The following SF3B1 variants were observed in gnomAD, a reference collection of about 807,000 sequenced individuals.
SF3B1 encodes pre-mRNA processing 10.
Under a neutral mutation model 153.8 loss-of-function variants are expected in SF3B1, and 12 were observed. That is an observed-to-expected ratio of 0.08 (90% confidence interval 0.05 to 0.13). The LOEUF is 0.13. SF3B1 is among the 10% of genes least tolerant of loss of function. SF3B1 has a pLI of 1.00. For missense variants in SF3B1, 513 were observed against 1,606.1 expected, an observed-to-expected ratio of 0.32 and a Z score of 11.63; for synonymous variants, 498 against 525.2, an observed-to-expected ratio of 0.95 and a Z score of 0.71.
At chr2:197,405,574 T>A (rs1259462245) in intron 9 of SF3B1, 102 bp from the exon 10 acceptor site, 33 of 783,068 alleles carry the variant, frequency 4.2e-5, no homozygotes, top group Non-Finnish European at 6.6e-5. Flanking sequence ...GCTAATAAGG[T>A]TTTTATTTGC....
At chr2:197,420,165 G>A (rs1574547758) in intron 4 of SF3B1, 1 of 383,014 alleles carries the variant, frequency 2.6e-6, no homozygotes, top group East Asian at 3.8e-5. Context: ...CAAAACAAAA[G>A]TAAAAGTAAA....
At position 197,391,775 on chromosome 2, in the gene SF3B1, G is replaced by A. The variant is rs1319872094; in HGVS notation, c.*528C>T. The A allele has an allele frequency of 6.5e-6, 1 of 154,162 alleles. No homozygotes were observed. The highest frequency in any genetic ancestry group is 6.5e-5 in the Admixed American group (1 of 15,334). 9.5% of individuals were successfully genotyped at this position (154,162 alleles called of 1,614,324 possible). A position where few individuals can be genotyped will look rare whatever the true frequency, so the allele number is the denominator to read the frequency against. On this transcript the variant is annotated 3_prime_UTR_variant, in exon 25 of 25. Transcript: ENST00000335508. ...CTAGTTTGAGGGGAACATCCCCTGA[G>A]GCTACTCTTCTTGCTGTCATTATTA...
intron 23 of SF3B1, 158 bp from the exon 24 acceptor site, chr2:197,393,346 C>T (rs1450241420): frequency 1.6e-6 from 1 of 622,106 alleles, no homozygotes; most frequent in East Asian, 2.7e-5. Context: ...AGTCATCTAA[C>T]ATTTCATATA....
intron 6 of SF3B1, among the ~76,000 whole-genome samples, chr2:197,414,572 A>T (rs1258995590): frequency 6.6e-6 from 1 of 152,242 alleles, no homozygotes; most frequent in East Asian, 1.9e-4. Flanking sequence ...TCATGTGAGA[A>T]ATGAAAATAC....
At chr2:197,416,521 A>C in intron 6 of SF3B1, 1 of 440,214 alleles carries the variant, frequency 2.3e-6, no homozygotes, top group Non-Finnish European at 4.0e-6. Context: ...GCACAGAGAA[A>C]GGCCATGTGA....
chr2:197,419,440 T>C (rs930490571), intron 4 of SF3B1: 23 of 220,048 alleles, frequency 1.0e-4, no homozygotes, highest in African/African-American at 5.2e-4. Flanking sequence ...GCTATACAAG[T>C]AGTATAGCAT....
In SF3B1 at chr2:197,401,889, C is replaced by G. The variant is rs2084940159; in HGVS notation, c.2224-1G>C. On this transcript the variant is annotated splice_acceptor_variant, in intron 15 of 24. Transcript: ENST00000335508. LOFTEE classifies it high-confidence loss of function. The surrounding 1 kb of genome is among the most constrained non-coding windows in gnomAD (Gnocchi z 4.2). ...TAGCCTTCAAGAAAGCAGCCAAACCCTATTTTTAAATAAAAAATATATGTA... is the reference window on the plus strand; with the variant it reads ...TAGCCTTCAAGAAAGCAGCCAAACCGTATTTTTAAATAAAAAATATATGTA... 1 of 1,586,870 alleles carries G rather than the reference C, an allele frequency of 6.3e-7. No individual in the cohort carries two copies.
At position 197,415,971 on chromosome 2, in the gene SF3B1, T is replaced by C. The variant is rs1181454545; in HGVS notation, c.666+770A>G. ...CTGGGACTACAGGCATGCACCACTA[T>C]GCCCAGCTAATTTTTTTTTTTTTTT... On this transcript the variant is annotated intron_variant, in intron 6 of 24. Coordinates refer to ENST00000335508, the MANE Select transcript of SF3B1 (RefSeq NM_012433.4). 3.6e-5 allele frequency among the ~76,000 whole-genome samples: 5 copies of C among 140,562 alleles called. No individual in the cohort carries two copies. In the East Asian group the frequency reaches 9.7e-4, roughly 27 times the overall value. The allele number at this position is 140,562 out of a possible 152,430, so 92.2% of individuals were successfully genotyped here.
At chr2:197,431,274 T>C (rs776292764) in intron 1 of SF3B1, among the ~76,000 whole-genome samples, 30 of 151,970 alleles carry the variant, frequency 2.0e-4, no homozygotes, top group Non-Finnish European at 3.8e-4. Flanking sequence ...CACGCCACCA[T>C]GCCCGGTTAA....
chr2:197,393,911 TG>T (rs1269093411), intron 23 of SF3B1, among the ~76,000 whole-genome samples: 1 of 152,114 alleles, frequency 6.6e-6, no homozygotes, highest in East Asian at 1.9e-4. Flanking sequence ...AGGCCGGACA[TG>T]GTGGCTCATG....
chr2:197,432,326 C>A (rs2106027626), intron 1 of SF3B1, among the ~76,000 whole-genome samples: 2 of 152,322 alleles, frequency 1.3e-5, no homozygotes. Context: ...CCTTACAAAA[C>A]AGAGAATAAT....
Position 197,434,978 on chromosome 2 carries a change from G to T in SF3B1, c.22C>A (p.His8Asn). The change falls in exon 1 of 25, where the codon CAC becomes AAC. Residue 8 changes from histidine (H) to asparagine (N), a missense_variant. By Grantham distance (68) the His-to-Asn change is moderately conservative (BLOSUM62 1). This residue lies in a region of SF3B1 where 27 missense variants were observed against 26.7 expected (regional missense o/e 1.01). Transcript: ENST00000335508. Reference protein sequence around the residue: MAKIAKTHEDIEAQIREI... With the variant: MAKIAKTNEDIEAQIREI... ...GCAGGGAAAGACCGCTTACCTTCGT[G>T]AGTCTTGGCGATCTTCGCCATTTTG... 1 of 1,614,234 alleles carries T rather than the reference G, an allele frequency of 6.2e-7. No homozygotes were observed. Among genetic ancestry groups the T allele is most frequent in the Non-Finnish European group, 8.5e-7 (1 of 1,179,988 alleles).
intron 6 of SF3B1, among the ~76,000 whole-genome samples, chr2:197,415,193 A>G (rs1289469028): frequency 6.7e-6 from 1 of 150,160 alleles, no homozygotes; most frequent in Non-Finnish European, 1.5e-5. Flanking sequence ...TTAATGGTAC[A>G]TGATGAGAGT....
intron 1 of SF3B1, among the ~76,000 whole-genome samples, chr2:197,424,618 A>C (rs2085302916): frequency 6.6e-6 from 1 of 152,144 alleles, no homozygotes; most frequent in Non-Finnish European, 1.5e-5. Flanking sequence ...CCAATCAAGC[A>C]CCATACACTG....
intron 1 of SF3B1, among the ~76,000 whole-genome samples, chr2:197,434,435 A>T (rs1486235509): frequency 2.0e-5 from 3 of 152,254 alleles, no homozygotes; most frequent in Non-Finnish European, 4.4e-5. Flanking sequence ...GAGGGAAAAC[A>T]ACTACCAGAT....
Position 197,392,406 on chromosome 2 carries a change from G to C in SF3B1, c.3812C>G (p.Ser1271Cys), listed in dbSNP as rs2105973717. Residue 1271 changes from serine to cysteine, a missense_variant, in exon 25 of 25, where the codon TCC (serine) becomes TGC (cysteine). By Grantham distance (112) the Ser-to-Cys change is moderately radical (BLOSUM62 -1). Coordinates refer to ENST00000335508, the MANE Select transcript of SF3B1 (RefSeq NM_012433.4). ...VRDVYWKIYN[S>C]IYIGSQDALI... is the part of the protein sequence containing the mutation. ...AGCGTCCTGGGAACCAATGTAGATG[G>C]AGTTGTAAATTTTCCAATATACATC... 6.2e-7 allele frequency: 1 copy of C among 1,612,928 alleles called. No individual in the cohort carries two copies. Among genetic ancestry groups the C allele is most frequent in the Non-Finnish European group, 8.5e-7 (1 of 1,179,136 alleles).
Position 197,402,857 on chromosome 2 carries a change from G to T in SF3B1, c.1807-31C>A, listed in dbSNP as rs758060941. 1.2e-6 allele frequency: 2 copies of T among 1,612,380 alleles called. No homozygotes were observed. Among genetic ancestry groups the T allele is most frequent in the Admixed American group, 3.3e-5 (2 of 59,782 alleles). ...ATGTAAACAAAGAAAGGACAGTCAT[G>T]AGTTGGTAATATTAATCTTCAACCA... On this transcript the variant is annotated intron_variant, in intron 13 of 24. Coordinates refer to ENST00000335508, the MANE Select transcript of SF3B1 (RefSeq NM_012433.4). This position sits in a 1 kb window ranked among gnomAD's most constrained non-coding sequence, Gnocchi z 4.6.
At chr2:197,392,825 T>G in intron 24 of SF3B1, 147 bp downstream of exon 24, 1 of 617,412 alleles carries the variant, frequency 1.6e-6, no homozygotes, top group Non-Finnish European at 2.9e-6. Flanking sequence ...GCTTAAAACC[T>G]AGATGACAGG....
intron 6 of SF3B1, among the ~76,000 whole-genome samples, chr2:197,413,059 T>C (rs1173856528): frequency 6.6e-6 from 1 of 152,060 alleles, no homozygotes; most frequent in East Asian, 1.9e-4. Flanking sequence ...GACAAACTTC[T>C]TTCTCTTTCT....
Sources: allele counts gnomAD v4.1 joint callset (sites outside exome capture counted in the v4.1 genomes callset), GRCh38; gene constraint gnomAD v4.1.1; regional missense constraint gnomAD v4.1.1; non-coding constraint Gnocchi (gnomAD v3.1); transcripts MANE v1.5; gene names NCBI Gene and HGNC (gene_info 2026-07-23, HGNC 2026-07-21).